SP140: variants seen among roughly 807,000 people sequenced by gnomAD.
SP140 encodes the protein SP140 nuclear body protein.
SP140 carries 81 observed loss-of-function variants against 125.0 expected under a neutral mutation model. The ratio of observed to expected loss-of-function variants is 0.65; its 90% CI spans 0.54 to 0.78. The LOEUF is 0.78. SP140 is among the 30% of genes least tolerant of loss of function. The probability of loss-of-function intolerance (pLI) is 0.00; values close to 1 mark genes in which losing one functional copy is unlikely to be tolerated. For missense variants in SP140, 858 were observed against 1,037.0 expected (o/e 0.83, Z 2.37); for synonymous variants, 312 against 354.0 (o/e 0.88, Z 1.33).
intron 1 of SP140, among the ~76,000 whole-genome samples, chr2:230,204,991 G>A (rs1340455813): frequency 6.6e-6 from 1 of 152,142 alleles, no homozygotes; most frequent in Non-Finnish European, 1.5e-5. Flanking sequence ...AATAGTTGGA[G>A]GGTAAGGCAT....
chr2:230,293,605 G>T (rs1164539504), intron 20 of SP140, among the ~76,000 whole-genome samples: 2 of 152,050 alleles, frequency 1.3e-5, no homozygotes, highest in African/African-American at 4.8e-5. Flanking sequence ...CAAAATGCTG[G>T]GGTTACAGGC....
upstream of SP140, among the ~76,000 whole-genome samples, chr2:230,201,222 T>A (rs1309864755): frequency 6.6e-6 from 1 of 152,240 alleles, no homozygotes; most frequent in Non-Finnish European, 1.5e-5. Context: ...GGTGCAGCCA[T>A]CTGAACCCCT....
Position 230,292,710 on chromosome 2 carries a change from C to G in SP140, c.1890C>G (p.Ile630Met). ...GKWFTPTEFEIKGGHARSKNW... is the reference protein window; with the variant it reads ...GKWFTPTEFEMKGGHARSKNW... ...GGTTCACCCCCACGGAATTTGAAATCAAAGGAGGCCATGCAAGATCAAAGA... is the reference window on the plus strand; with the variant it reads ...GGTTCACCCCCACGGAATTTGAAATGAAAGGAGGCCATGCAAGATCAAAGA... Residue 630 changes from isoleucine to methionine, a missense_variant, in exon 20 of 27, where the codon ATC (isoleucine) becomes ATG (methionine). Physicochemically the swap from Ile to Met is conservative, Grantham distance 10 (BLOSUM62 1). This residue lies in a region of SP140 where 791 missense variants were observed against 869.5 expected (regional missense o/e 0.91). Transcript: ENST00000392045. 1 of 1,614,190 alleles carries G rather than the reference C, an allele frequency of 6.2e-7. No homozygotes were observed. Among genetic ancestry groups the G allele is most frequent in the Non-Finnish European group, 8.5e-7 (1 of 1,180,038 alleles).
chr2:230,245,232 A>G, intron 6 of SP140, 152 bp downstream of exon 6: 2 of 582,008 alleles, frequency 3.4e-6, no homozygotes, highest in Non-Finnish European at 6.2e-6. Context: ...GGCAAGAGGT[A>G]AAGGACGGCT....
At chr2:230,238,861 G>C in intron 3 of SP140, 1 of 1,552,928 alleles carries the variant, frequency 6.4e-7, no homozygotes, top group South Asian at 1.2e-5. Flanking sequence ...CACTGAGGAG[G>C]AGCTGCATGT....
chr2:230,296,430 C>T (rs535948791), intron 21 of SP140, among the ~76,000 whole-genome samples: 16 of 152,204 alleles, frequency 1.1e-4, no homozygotes, highest in Non-Finnish European at 2.1e-4. Flanking sequence ...CTGCTTGTAT[C>T]CCAGAAGGGA....
chr2:230,295,496 G>A (rs1305616220), intron 21 of SP140, among the ~76,000 whole-genome samples: 4 of 152,128 alleles, frequency 2.6e-5, no homozygotes, highest in Non-Finnish European at 4.4e-5. Context: ...GGCAATTTCC[G>A]ACTAACCGAC....
At chr2:230,293,426 T>G (rs551346175) in intron 20 of SP140, among the ~76,000 whole-genome samples, 1 of 152,322 alleles carries the variant, frequency 6.6e-6, no homozygotes, top group South Asian at 2.1e-4. Context: ...AACCTCCACC[T>G]CCCAGATTCA....
chr2:230,237,475 G>A lies in SP140; in HGVS notation c.237+215G>A. 2.0e-6 allele frequency: 1 copy of A among 510,188 alleles called. No individual in the cohort carries two copies. The highest frequency in any genetic ancestry group is 2.7e-5 in the South Asian group (1 of 36,596). 31.6% of individuals were successfully genotyped at this position (510,188 alleles called of 1,614,324 possible). A position where few individuals can be genotyped will look rare whatever the true frequency, so the allele number is the denominator to read the frequency against. On this transcript the variant is annotated intron_variant, in intron 2 of 26. Transcript: ENST00000392045. The surrounding 1 kb of genome is among the most constrained non-coding windows in gnomAD (Gnocchi z 5.4). Reference sequence around the variant, plus strand: ...CCACAGTGAGGGAGGTGGGGCAGGAGAGAGAATGGGAATGCTGTATGGGTG... The same window carrying A: ...CCACAGTGAGGGAGGTGGGGCAGGAAAGAGAATGGGAATGCTGTATGGGTG...
chr2:230,246,530 T>C (rs935741081), intron 7 of SP140, among the ~76,000 whole-genome samples: 3 of 152,156 alleles, frequency 2.0e-5, no homozygotes, highest in African/African-American at 7.2e-5. Context: ...TATAGAAAAC[T>C]CAGTGAAAGA....
upstream of SP140, chr2:230,200,765 G>A: frequency 1.3e-6 from 1 of 791,272 alleles, no homozygotes; most frequent in Non-Finnish European, 2.2e-6. Flanking sequence ...AATCCAGAAG[G>A]GCTCTCTAGC....
intron 12 of SP140, among the ~76,000 whole-genome samples, chr2:230,260,334 G>A (rs2052018658): frequency 6.6e-6 from 1 of 152,090 alleles, no homozygotes; most frequent in Admixed American, 6.5e-5. Context: ...TGTAGATTAT[G>A]GATATTAGTC....
intron 10 of SP140, among the ~76,000 whole-genome samples, chr2:230,253,078 G>A (rs1348562342): frequency 6.6e-6 from 1 of 152,170 alleles, no homozygotes; most frequent in Non-Finnish European, 1.5e-5. Context: ...GAAACAGGAG[G>A]CAGGAGAGGC....
chr2:230,196,586 C>T, the SP140 span, among the ~76,000 whole-genome samples: 1 of 151,442 alleles, frequency 6.6e-6, no homozygotes, highest in African/African-American at 2.4e-5. Context: ...TACATGTGCA[C>T]AATGTGCAGG....
intron 10 of SP140, among the ~76,000 whole-genome samples, chr2:230,252,625 G>A (rs557795071): frequency 1.3e-3 from 193 of 152,268 alleles, no homozygotes; most frequent in Non-Finnish European, 2.5e-3. Flanking sequence ...CAGATTACTG[G>A]GTTGCACAAG....
intron 1 of SP140, among the ~76,000 whole-genome samples, chr2:230,229,732 A>G (rs1178438165): frequency 1.3e-5 from 2 of 151,968 alleles, no homozygotes; most frequent in Non-Finnish European, 2.9e-5. Context: ...TTTCTGGCAA[A>G]GAATTTCCTC....
chr2:230,196,212 A>G, the SP140 span, among the ~76,000 whole-genome samples: 1 of 152,228 alleles, frequency 6.6e-6, no homozygotes, highest in Non-Finnish European at 1.5e-5. Context: ...TTAAGAATCA[A>G]TTCTAAGGAA....
At chr2:230,246,046 TATCCATCCATCCATCCATTC>T (rs1292892078) in intron 7 of SP140, 106 bp downstream of exon 7, 5 of 677,114 alleles carry the variant, frequency 7.4e-6, no homozygotes, top group Non-Finnish European at 1.3e-5. Flanking sequence ...TTCATCCATA[TATCCATCCATCCATCCATTC>T]ATCCATCCAT....
intron 22 of SP140, among the ~76,000 whole-genome samples, chr2:230,308,266 AG>A (rs1338063487): frequency 6.6e-6 from 1 of 152,002 alleles, no homozygotes; most frequent in Non-Finnish European, 1.5e-5. Context: ...GAGGGATAAA[AG>A]ACTACACATT....
Sources: gnomAD v4.1 joint callset for allele counts (sites outside exome capture counted in the v4.1 genomes callset) on GRCh38, gnomAD v4.1.1 for gene constraint, gnomAD v4.1.1 regional missense constraint, Gnocchi (gnomAD v3.1) non-coding constraint, MANE v1.5 for transcripts, NCBI Gene and HGNC (gene_info 2026-07-23, HGNC 2026-07-21) for gene names.